MRPS34: variants seen among roughly 807,000 people sequenced by gnomAD.
The protein encoded by MRPS34 is small ribosomal subunit protein mS34.
In MRPS34, 12 loss-of-function variants were observed where a neutral mutation model predicts 13.3. The observed-to-expected ratio is 0.90, with a 90% CI of 0.58 to 1.46. The LOEUF is 1.46. Among genes scored for constraint, MRPS34 ranks in the 40% most tolerant of loss-of-function variants. The pLI, the probability that MRPS34 is intolerant of heterozygous loss-of-function variation, is 0.00. For missense variants in MRPS34, 419 were observed against 335.3 expected (o/e 1.25, Z -1.95); for synonymous variants, 181 against 149.3 (o/e 1.21, Z -1.55).
In MRPS34 at chr16:1,772,237, T is replaced by C. The variant is rs372211035; in HGVS notation, c.641A>G (p.Lys214Arg). The C allele has an allele frequency of 1.2e-6, 2 of 1,608,038 alleles. No individual in the cohort carries two copies. Among genetic ancestry groups the C allele is most frequent in the South Asian group, 2.2e-5 (2 of 91,084 alleles). ...TCTGGCATTCTAGACGGGGGTGCCCTTGGCCCTTCCTTTGTCTTCCTGTTT... is the reference window on the plus strand; with the variant it reads ...TCTGGCATTCTAGACGGGGGTGCCCCTGGCCCTTCCTTTGTCTTCCTGTTT... ...PAKQEDKGRA[K>R]GTPV The change falls in exon 3 of 3, where the codon AAG becomes AGG. Residue 214 changes from lysine (K) to arginine (R), a missense_variant. Lys to Arg is a conservative substitution (Grantham distance 26). Transcript: ENST00000397375.
chr16:1,772,073 C>G lies in MRPS34; in HGVS notation c.*148G>C, dbSNP rs552597381. ...GTGGCGATTTGCCCCAGCCCTCCCC[C>G]CTAAGATGCAGACCCTCAGAACACG... On this transcript the variant is annotated 3_prime_UTR_variant, in exon 3 of 3. Coordinates refer to ENST00000397375, the MANE Select transcript of MRPS34 (RefSeq NM_023936.2). The G allele has an allele frequency of 1.3e-4, 110 of 855,550 alleles. No individual in the cohort carries two copies. The highest frequency in any genetic ancestry group is 3.7e-4 in the East Asian group (15 of 40,806). The allele number at this position is 855,550 out of a possible 1,614,324, so 53.0% of individuals were successfully genotyped here.
chr16:1,772,221 C>T lies in MRPS34; in HGVS notation c.657G>A (p.Ter219=), dbSNP rs753331473. ...AAGGCCACCCGCTGGTTCTGGCATT[C>T]TAGACGGGGGTGCCCTTGGCCCTTC... ...DKGRAKGTPV[*] The change falls in exon 3 of 3, where the codon TAG becomes TAA. Residue 219 remains the stop codon, a stop_retained_variant. Coordinates refer to ENST00000397375, the MANE Select transcript of MRPS34 (RefSeq NM_023936.2). 3 of 1,600,926 alleles carry T rather than the reference C, an allele frequency of 1.9e-6. No homozygotes were observed. Among genetic ancestry groups the T allele is most frequent in the Admixed American group, 1.7e-5 (1 of 59,826 alleles).
chr16:1,772,688 C>A (rs746554093), intron 1 of MRPS34, 42 bp from the exon 2 acceptor site: 1 of 1,590,714 alleles, frequency 6.3e-7, no homozygotes, highest in South Asian at 1.1e-5. Context: ...GCAAAGCTCT[C>A]GGCCCCCGAG....
rs1187432844 is a variant in MRPS34, at chr16:1,773,022, A to C, written c.98T>G (p.Leu33Arg). 1.4e-6 allele frequency: 2 copies of C among 1,449,126 alleles called. No individual in the cohort carries two copies. The highest frequency in any genetic ancestry group is 1.8e-6 in the Non-Finnish European group (2 of 1,101,804). The allele number at this position is 1,449,126 out of a possible 1,614,324, so 89.8% of individuals were successfully genotyped here. A position where few individuals can be genotyped will look rare whatever the true frequency, so the allele number is the denominator to read the frequency against. The change falls in exon 1 of 3, where the codon CTC becomes CGC. Residue 33 changes from leucine (L) to arginine (R), a missense_variant. Physicochemically the swap from Leu to Arg is moderately radical, Grantham distance 102 (BLOSUM62 -2). Coordinates refer to ENST00000397375, the MANE Select transcript of MRPS34 (RefSeq NM_023936.2). ...EQLNRPRDSQ[L>R]YAVDYETLTR... ...CAAGGTCTCGTAGTCCACCGCGTAGAGCTGGGAGTCGCGCGGCCTGTTCAG... is the reference window on the plus strand; with the variant it reads ...CAAGGTCTCGTAGTCCACCGCGTAGCGCTGGGAGTCGCGCGGCCTGTTCAG...
At position 1,772,136 on chromosome 16, in the gene MRPS34, C is replaced by T. The variant is rs910145219; in HGVS notation, c.*85G>A. The T allele has an allele frequency of 1.5e-6, 2 of 1,366,176 alleles. No homozygotes were observed. Among genetic ancestry groups the T allele is most frequent in the South Asian group, 1.3e-5 (1 of 76,416 alleles). The allele number at this position is 1,366,176 out of a possible 1,614,324, so 84.6% of individuals were successfully genotyped here. ...AGCTCCCTGCTCCGAGAGGCAGACTCGGGTGTAACGCAAAGACGGTTTCTT... is the reference window on the plus strand; with the variant it reads ...AGCTCCCTGCTCCGAGAGGCAGACTTGGGTGTAACGCAAAGACGGTTTCTT... On this transcript the variant is annotated 3_prime_UTR_variant, in exon 3 of 3. Transcript: ENST00000397375.
Position 1,772,415 on chromosome 16 carries a change from G to C in MRPS34, c.463C>G (p.Pro155Ala). ...HEEEAFTAFT[P>A]APEDSLASVP... ...GAGGCCAGGCTGTCTTCCGGCGCCGGCGTGAACGCGGTGAAGGCCTCCTCC... is the reference window on the plus strand; with the variant it reads ...GAGGCCAGGCTGTCTTCCGGCGCCGCCGTGAACGCGGTGAAGGCCTCCTCC... The change falls in exon 3 of 3, where the codon CCG (proline) becomes GCG (alanine). Residue 155 changes from proline (P) to alanine (A), a missense_variant. Transcript: ENST00000397375. The C allele has an allele frequency of 6.2e-7, 1 of 1,611,934 alleles. No homozygotes were observed. The highest frequency in any genetic ancestry group is 8.5e-7 in the Non-Finnish European group (1 of 1,179,994).
In MRPS34 at chr16:1,772,246, CCTTT is replaced by C. The variant is rs1353455802; in HGVS notation, c.628_631del (p.Lys210GlufsTer?). On this transcript the variant is annotated frameshift_variant, in exon 3 of 3. Transcript: ENST00000397375. LOFTEE classifies it high-confidence loss of function. ...CTAGACGGGGGTGCCCTTGGCCCTT[CCTTT>C]GTCTTCCTGTTTTGCAGGGTAATCC... 1.9e-6 allele frequency: 3 copies of C among 1,609,636 alleles called. No homozygotes were observed. Among genetic ancestry groups the C allele is most frequent in the African/African-American group, 1.3e-5 (1 of 74,932 alleles).
Position 1,772,485 on chromosome 16 carries a change from G to A in MRPS34, c.393C>T (p.Ile131=). The A allele has an allele frequency of 6.2e-7, 1 of 1,611,472 alleles. No homozygotes were observed. The change falls in exon 3 of 3, where the codon ATC becomes ATT. Residue 131 remains isoleucine (I), a synonymous_variant. Transcript: ENST00000397375. ...GCCAGTCATGGTACATGACGTGTTCGATCTCCCGCGCCTCGCTCTCAGTCT... is the reference window on the plus strand; with the variant it reads ...GCCAGTCATGGTACATGACGTGTTCAATCTCCCGCGCCTCGCTCTCAGTCT... ...KGKTESEARE[I]EHVMYHDWRL... is the part of the protein sequence containing the mutation.
Position 1,772,609 on chromosome 16 carries a change from A to T in MRPS34, c.359T>A (p.Phe120Tyr). ...DHGKAWGILT[F>Y]KGKTESEARE... ...CCCGCTCTCCCGAGCCTTACCTTTGAAGGTCAGGATGCCCCAGGCCTTCCC... is the reference window on the plus strand; with the variant it reads ...CCCGCTCTCCCGAGCCTTACCTTTGTAGGTCAGGATGCCCCAGGCCTTCCC... The change falls in exon 2 of 3, where the codon TTC becomes TAC. Residue 120 changes from phenylalanine to tyrosine, a missense_variant. By Grantham distance (22) the Phe-to-Tyr change is conservative (BLOSUM62 3). Transcript: ENST00000397375. 1 of 1,611,656 alleles carries T rather than the reference A, an allele frequency of 6.2e-7. No individual in the cohort carries two copies. Among genetic ancestry groups the T allele is most frequent in the Non-Finnish European group, 8.5e-7 (1 of 1,179,940 alleles).
Position 1,771,942 on chromosome 16 carries a change from G to A in MRPS34, c.*279C>T, listed in dbSNP as rs2141977810. 1 of 548,258 alleles carries A rather than the reference G, an allele frequency of 1.8e-6. No individual in the cohort carries two copies. Among genetic ancestry groups the A allele is most frequent in the East Asian group, 3.0e-5 (1 of 33,360 alleles). The allele number at this position is 548,258 out of a possible 1,614,324, so 34.0% of individuals were successfully genotyped here. ...TTTCATAGCTTCTGCCGGGATCCAG[G>A]CAGAGAGAGCACTAATGGGGGAAAG... On this transcript the variant is annotated 3_prime_UTR_variant, in exon 3 of 3. Coordinates refer to ENST00000397375, the MANE Select transcript of MRPS34 (RefSeq NM_023936.2).
chr16:1,773,082 T>C lies in MRPS34; in HGVS notation c.38A>G (p.Glu13Gly). 1 of 1,411,306 alleles carries C rather than the reference T, an allele frequency of 7.1e-7. No homozygotes were observed. Among genetic ancestry groups the C allele is most frequent in the Non-Finnish European group, 9.2e-7 (1 of 1,086,496 alleles). The allele number at this position is 1,411,306 out of a possible 1,614,324, so 87.4% of individuals were successfully genotyped here. Residue 13 changes from glutamate to glycine, a missense_variant, in exon 1 of 3, where the codon GAG becomes GGG. Glu to Gly is a moderately conservative substitution (Grantham distance 98). Coordinates refer to ENST00000397375, the MANE Select transcript of MRPS34 (RefSeq NM_023936.2). ...CAGGGCGCGCACGCGGCGGGCCAGC[T>C]CCGCGATCAGCCGCGGACGCACCTT... ...RKKVRPRLIA[E>G]LARRVRALRE... is the part of the protein sequence containing the mutation.
chr16:1,771,966 A>G lies in MRPS34; in HGVS notation c.*255T>C. 1.7e-6 allele frequency: 1 copy of G among 574,116 alleles called. No individual in the cohort carries two copies. 35.6% of individuals were successfully genotyped at this position (574,116 alleles called of 1,614,324 possible). ...GGCAGAGAGAGCACTAATGGGGGAA[A>G]GGGAGCGAGCGCTTCCCGCTTTCCC... is the stretch of plus-strand genomic sequence containing the variant. On this transcript the variant is annotated 3_prime_UTR_variant, in exon 3 of 3. Coordinates refer to ENST00000397375, the MANE Select transcript of MRPS34 (RefSeq NM_023936.2).
chr16:1,772,615 A>G lies in MRPS34; in HGVS notation c.353T>C (p.Leu118Pro), dbSNP rs770329037. ...NLDHGKAWGI[L>P]TFKGKTESEA... ...CTCCCGAGCCTTACCTTTGAAGGTC[A>G]GGATGCCCCAGGCCTTCCCGTGGTC... is the stretch of plus-strand genomic sequence containing the variant. The change falls in exon 2 of 3, where the codon CTG becomes CCG. Residue 118 changes from leucine (L) to proline (P), a missense_variant. Physicochemically the swap from Leu to Pro is moderately conservative, Grantham distance 98. Coordinates refer to ENST00000397375, the MANE Select transcript of MRPS34 (RefSeq NM_023936.2). 1 of 1,610,922 alleles carries G rather than the reference A, an allele frequency of 6.2e-7. No homozygotes were observed. The highest frequency in any genetic ancestry group is 1.1e-5 in the South Asian group (1 of 91,080).
intron 2 of MRPS34, 27 bp from the exon 3 acceptor site, chr16:1,772,540 C>T: frequency 6.2e-7 from 1 of 1,612,274 alleles, no homozygotes. Flanking sequence ...GGCGTCTGCA[C>T]ACACTTGCTG....
At chr16:1,772,699 G>T in intron 1 of MRPS34, 53 bp from the exon 2 acceptor site, 3 of 1,582,584 alleles carry the variant, frequency 1.9e-6, no homozygotes, top group Non-Finnish European at 1.7e-6. Flanking sequence ...GGCCCCCGAG[G>T]TCAGGAGGTG....
At chr16:1,772,750 G>A (rs1596843736) in intron 1 of MRPS34, 49 bp downstream of exon 1, 1 of 1,531,574 alleles carries the variant, frequency 6.5e-7, no homozygotes, top group Non-Finnish European at 8.7e-7. Context: ...GAGGGGAGGC[G>A]GGGAGACCAG....
In MRPS34 at chr16:1,772,932, C is replaced by T. The variant is rs1457974718; in HGVS notation, c.188G>A (p.Arg63His). ...GAGGCGGCCGAGCAGCTGCAAGAGG[C>T]GGCTCTCGCGGCGCACGTCGGCCCA... Reference protein sequence around the residue: ...RAWADVRRESRLLQLLGRLPL... With the variant: ...RAWADVRRESHLLQLLGRLPL... Residue 63 changes from arginine (R) to histidine (H), a missense_variant, in exon 1 of 3, where the codon CGC becomes CAC. Physicochemically the swap from Arg to His is conservative, Grantham distance 29. Coordinates refer to ENST00000397375, the MANE Select transcript of MRPS34 (RefSeq NM_023936.2). 7 of 1,444,430 alleles carry T rather than the reference C, an allele frequency of 4.8e-6. No homozygotes were observed. Among genetic ancestry groups the T allele is most frequent in the Admixed American group, 5.7e-5 (2 of 35,260 alleles). The allele number at this position is 1,444,430 out of a possible 1,614,324, so 89.5% of individuals were successfully genotyped here.
At position 1,773,001 on chromosome 16, in the gene MRPS34, G is replaced by A; in HGVS notation, c.119C>T (p.Thr40Ile). Residue 40 changes from threonine (T) to isoleucine (I), a missense_variant, in exon 1 of 3, where the codon ACC (threonine) becomes ATC (isoleucine). Transcript: ENST00000397375. ...DSQLYAVDYE[T>I]LTRPFSGRRL... ...GCGTCCAGAGAACGGCCGCGTCAAG[G>A]TCTCGTAGTCCACCGCGTAGAGCTG... The A allele has an allele frequency of 6.9e-7, 1 of 1,456,234 alleles. No individual in the cohort carries two copies. Among genetic ancestry groups the A allele is most frequent in the East Asian group, 2.8e-5 (1 of 35,932 alleles). The allele number at this position is 1,456,234 out of a possible 1,614,324, so 90.2% of individuals were successfully genotyped here. A position where few individuals can be genotyped will look rare whatever the true frequency, so the allele number is the denominator to read the frequency against.
Position 1,772,914 on chromosome 16 carries a change from C to T in MRPS34, c.206G>A (p.Gly69Asp). 6.9e-7 allele frequency: 1 copy of T among 1,448,720 alleles called. No homozygotes were observed. The highest frequency in any genetic ancestry group is 9.0e-7 in the Non-Finnish European group (1 of 1,107,254). The allele number at this position is 1,448,720 out of a possible 1,614,324, so 89.7% of individuals were successfully genotyped here. A position where few individuals can be genotyped will look rare whatever the true frequency, so the allele number is the denominator to read the frequency against. ...GCCCAGGCCGAAGAGCGGGAGGCGG[C>T]CGAGCAGCTGCAAGAGGCGGCTCTC... The part of the protein sequence containing the change: ...RRESRLLQLL[G>D]RLPLFGLGRL... Residue 69 changes from glycine to aspartate, a missense_variant, in exon 1 of 3, where the codon GGC (glycine) becomes GAC (aspartate). Physicochemically the swap from Gly to Asp is moderately conservative, Grantham distance 94 (BLOSUM62 -1). Transcript: ENST00000397375.
Sources: gnomAD v4.1 joint callset for allele counts on GRCh38, gnomAD v4.1.1 for gene constraint, MANE v1.5 for transcripts, NCBI Gene and HGNC (gene_info 2026-07-23, HGNC 2026-07-21) for gene names.